Variants in PARPBP observed in about 807,000 individuals in gnomAD.
The protein encoded by PARPBP is PARP1 binding protein.
In PARPBP, 52 loss-of-function variants were observed where a neutral mutation model predicts 50.0. That is an observed-to-expected ratio of 1.04 (90% CI 0.83 to 1.31). The LOEUF (loss-of-function observed/expected upper bound fraction) is 1.31. Among genes scored for constraint, PARPBP ranks in the 50% most tolerant of loss-of-function variants. The probability of loss-of-function intolerance (pLI) is 0.00; values close to 1 mark genes in which losing one functional copy is unlikely to be tolerated. For missense variants in PARPBP, 697 were observed against 672.0 expected (o/e 1.04, Z -0.41); for synonymous variants, 244 against 232.1 (o/e 1.05, Z -0.47).
At chr12:102,176,273 C>T (rs951386486) in intron 7 of PARPBP, among the ~76,000 whole-genome samples, 1 of 152,052 alleles carries the variant, frequency 6.6e-6, no homozygotes, top group Non-Finnish European at 1.5e-5. Flanking sequence ...TGAGCCACCA[C>T]GCCTGGCCTA....
Position 102,124,032 on chromosome 12 carries a change from CAACA to C in PARPBP, c.149_152del (p.Lys50SerfsTer15). On this transcript the variant is annotated frameshift_variant, in exon 2 of 11. Coordinates refer to ENST00000327680, the MANE Select transcript of PARPBP (RefSeq NM_017915.5). LOFTEE classifies it high-confidence loss of function. ...CATTGCAGCTTTCTATGGCGGAGAA[CAACA>C]AACAGGTTGGTAAACTATATTTGGG... 1 of 1,533,862 alleles carries C rather than the reference CAACA, an allele frequency of 6.5e-7. No individual in the cohort carries two copies. The highest frequency in any genetic ancestry group is 1.2e-5 in the South Asian group (1 of 83,808).
In PARPBP at chr12:102,183,539, CATT is replaced by C. The variant is rs535120404; in HGVS notation, c.1263+913_1263+915del. Among the ~76,000 whole-genome samples, 10 of 152,138 alleles carry C rather than the reference CATT, an allele frequency of 6.6e-5. No individual in the cohort carries two copies. The East Asian group carries it at 1.4e-3, about 21-fold the overall frequency. Reference sequence around the variant, plus strand: ...AGCAATTAATGCTTGTGGAATACATCATTGAGTTTCATAAAATTTTTCTGTGAA... The same window carrying C: ...AGCAATTAATGCTTGTGGAATACATCGAGTTTCATAAAATTTTTCTGTGAA... On this transcript the variant is annotated intron_variant, in intron 9 of 10. Transcript: ENST00000327680.
chr12:102,161,837 GAA>G (rs1348491419), intron 4 of PARPBP, among the ~76,000 whole-genome samples: 2 of 152,200 alleles, frequency 1.3e-5, no homozygotes, highest in African/African-American at 4.8e-5. Flanking sequence ...GCAGGAAAGA[GAA>G]TACATGAATG....
At chr12:102,165,600 C>A in intron 5 of PARPBP, 129 bp from the exon 6 acceptor site, 1 of 687,570 alleles carries the variant, frequency 1.5e-6, no homozygotes, top group Non-Finnish European at 2.5e-6. Context: ...CAAAGTGTGT[C>A]ATGAGCCATA....
intron 9 of PARPBP, among the ~76,000 whole-genome samples, chr12:102,191,606 T>G (rs1890800270): frequency 6.6e-6 from 1 of 152,164 alleles, no homozygotes. Context: ...CTCATTTATT[T>G]TAATTTAACT....
chr12:102,174,121 T>C (rs756960653), intron 6 of PARPBP, among the ~76,000 whole-genome samples: 30 of 151,888 alleles, frequency 2.0e-4, no homozygotes, highest in Non-Finnish European at 3.2e-4. Context: ...CAGTAAAATA[T>C]GATTGCTTTC....
intron 3 of PARPBP, chr12:102,151,577 C>G: frequency 6.5e-7 from 1 of 1,535,384 alleles, no homozygotes; most frequent in South Asian, 1.2e-5. Context: ...CAGGGGTCAA[C>G]TATACAGCCA....
chr12:102,126,679 C>A (rs562554956), intron 2 of PARPBP, among the ~76,000 whole-genome samples: 11 of 152,020 alleles, frequency 7.2e-5, no homozygotes, highest in African/African-American at 2.4e-4. Flanking sequence ...CCCAGCTACT[C>A]GGGAGGCTGA....
At chr12:102,137,535 A>G (rs1049431557) in intron 2 of PARPBP, among the ~76,000 whole-genome samples, 1 of 151,386 alleles carries the variant, frequency 6.6e-6, no homozygotes, top group Non-Finnish European at 1.5e-5. Flanking sequence ...TTTTAATTCT[A>G]GGGTATATGT....
intron 2 of PARPBP, among the ~76,000 whole-genome samples, chr12:102,140,584 G>A (rs1001141515): frequency 1.1e-4 from 16 of 151,926 alleles, no homozygotes; most frequent in Non-Finnish European, 1.6e-4. Flanking sequence ...TTAGGGTGTC[G>A]ATTTTAGATC....
At position 102,174,067 on chromosome 12, in the gene PARPBP, A is replaced by G. The variant is rs551691580; in HGVS notation, c.822-1416A>G. 7.9e-5 allele frequency among the ~76,000 whole-genome samples: 12 copies of G among 151,842 alleles called. No homozygotes were observed. The South Asian group carries it at 1.0e-3, about 13-fold the overall frequency. Reference sequence around the variant, plus strand: ...TCATTTATTCAACAAACATACATCAATCATCTCTTCTGTGTGCCAAATGTA... The same window carrying G: ...TCATTTATTCAACAAACATACATCAGTCATCTCTTCTGTGTGCCAAATGTA... On this transcript the variant is annotated intron_variant, in intron 6 of 10. Transcript: ENST00000327680.
chr12:102,123,879 C>T lies in PARPBP; in HGVS notation c.-3-7C>T, dbSNP rs746157634. ...TACTTTAACTTTGTATTCTGTCCTA[C>T]TTTAAGATAATGGCTGTGTTTAATC... On this transcript the variant is annotated splice_region_variant and splice_polypyrimidine_tract_variant and intron_variant, in intron 1 of 10. Transcript: ENST00000327680. The T allele has an allele frequency of 6.3e-5, 97 of 1,530,402 alleles. No individual in the cohort carries two copies. Among genetic ancestry groups the T allele is most frequent in the Non-Finnish European group, 2.0e-5 (23 of 1,141,992 alleles). 94.8% of individuals were successfully genotyped at this position (1,530,402 alleles called of 1,614,324 possible).
intron 6 of PARPBP, among the ~76,000 whole-genome samples, chr12:102,171,893 A>G (rs1594588201): frequency 6.6e-6 from 1 of 151,992 alleles, no homozygotes; most frequent in South Asian, 2.1e-4. Flanking sequence ...ATTCAGAAAT[A>G]TTTTTCATAT....
At chr12:102,173,500 A>G (rs1422248556) in intron 6 of PARPBP, among the ~76,000 whole-genome samples, 1 of 152,212 alleles carries the variant, frequency 6.6e-6, no homozygotes, top group African/African-American at 2.4e-5. Context: ...AAGGCAAATT[A>G]TTACAATTGG....
Position 102,178,638 on chromosome 12 carries a change from A to T in PARPBP, c.1052A>T (p.Asp351Val), listed in dbSNP as rs370352535. The change falls in exon 8 of 11, where the codon GAT becomes GTT. Residue 351 changes from aspartate to valine, a missense_variant. Physicochemically the swap from Asp to Val is radical, Grantham distance 152. Transcript: ENST00000327680. ...CATGGTACTGCATACTGTGGCAGAG[A>T]TACTGTGAAAGCCTTATTAGTTCTT... ...INHGTAYCGR[D>V]TVKALLVLLD... is the part of the protein sequence containing the mutation. 14 of 1,613,436 alleles carry T rather than the reference A, an allele frequency of 8.7e-6. No homozygotes were observed. The highest frequency in any genetic ancestry group is 1.2e-5 in the Non-Finnish European group (14 of 1,179,636).
intron 2 of PARPBP, among the ~76,000 whole-genome samples, chr12:102,138,916 A>T (rs1264036196): frequency 1.3e-5 from 2 of 152,146 alleles, no homozygotes; most frequent in Non-Finnish European, 1.5e-5. Context: ...TGAAGTCAGG[A>T]AGCGTGATGC....
At chr12:102,153,048 A>C (rs1298680968) in intron 3 of PARPBP, among the ~76,000 whole-genome samples, 1 of 152,098 alleles carries the variant, frequency 6.6e-6, no homozygotes, top group Non-Finnish European at 1.5e-5. Flanking sequence ...TATTTTCCTT[A>C]GCTGAAACAA....
intron 6 of PARPBP, among the ~76,000 whole-genome samples, chr12:102,171,323 A>G (rs576414762): frequency 5.3e-5 from 8 of 152,272 alleles, no homozygotes; most frequent in Non-Finnish European, 8.8e-5. Context: ...TGTTTACACA[A>G]GCATCACCAC....
At chr12:102,178,876 A>T in intron 8 of PARPBP, 106 bp downstream of exon 8, 1 of 643,418 alleles carries the variant, frequency 1.6e-6, no homozygotes, top group Non-Finnish European at 2.5e-6. Context: ...AATTGTGAAG[A>T]AAGAAAATAA....
Sources: gnomAD v4.1 joint callset for allele counts (sites outside exome capture counted in the v4.1 genomes callset) on GRCh38, gnomAD v4.1.1 for gene constraint, MANE v1.5 for transcripts, NCBI Gene and HGNC (gene_info 2026-07-23, HGNC 2026-07-21) for gene names.